Variants in TRNAU1AP observed in about 807,000 individuals in gnomAD.
TRNAU1AP encodes the protein tRNA selenocysteine 1 associated protein 1.
TRNAU1AP carries 33 observed loss-of-function variants against 43.3 expected under a neutral mutation model. The ratio of observed to expected loss-of-function variants is 0.76; its 90% CI spans 0.58 to 1.02. The LOEUF (loss-of-function observed/expected upper bound fraction) is 1.02, where lower values mean the gene tolerates loss of function less well. Ranked by LOEUF, TRNAU1AP falls within the 50% of genes least tolerant of loss-of-function variation. The probability of loss-of-function intolerance (pLI) is 0.00; values close to 1 mark genes in which losing one functional copy is unlikely to be tolerated. For synonymous variants in TRNAU1AP, 143 were observed against 129.1 expected (o/e 1.11, Z -0.73); for missense variants, 290 against 362.7 (o/e 0.80, Z 1.63).
chr1:28,555,133 G>A (rs1477496307), intron 2 of TRNAU1AP, among the ~76,000 whole-genome samples: 1 of 151,854 alleles, frequency 6.6e-6, no homozygotes, highest in Admixed American at 6.6e-5. Context: ...GGGAGGCTGA[G>A]GCAGGAGAAT....
intron 8 of TRNAU1AP, among the ~76,000 whole-genome samples, chr1:28,575,789 C>T (rs1342648921): frequency 2.0e-5 from 3 of 149,892 alleles, no homozygotes; most frequent in African/African-American, 7.4e-5. Context: ...AACTTCTGAC[C>T]TCAGGTGGTC....
intron 8 of TRNAU1AP, among the ~76,000 whole-genome samples, chr1:28,576,380 G>A (rs547038131): frequency 4.0e-5 from 6 of 149,092 alleles, no homozygotes; most frequent in Middle Eastern, 3.5e-3. Flanking sequence ...GTGCAATGGC[G>A]TGATCTCGGC....
Position 28,561,130 on chromosome 1 carries a change from G to A in TRNAU1AP, c.226-216G>A. The A allele has an allele frequency of 2.8e-6, 4 of 1,408,004 alleles. No individual in the cohort carries two copies. The South Asian group carries it at 4.6e-5, about 16-fold the overall frequency. The allele number at this position is 1,408,004 out of a possible 1,614,324, so 87.2% of individuals were successfully genotyped here. ...TCCCACAGTTACTTAGCTTACAGCT[G>A]CACCAGCTGGCACACCTGGGCTCAT... is the stretch of plus-strand genomic sequence containing the variant. On this transcript the variant is annotated intron_variant, in intron 3 of 8. Coordinates refer to ENST00000373830, the MANE Select transcript of TRNAU1AP (RefSeq NM_017846.5).
intron 5 of TRNAU1AP, 117 bp from the exon 6 acceptor site, chr1:28,567,177 C>A: frequency 9.0e-7 from 1 of 1,106,306 alleles, no homozygotes; most frequent in East Asian, 2.5e-5. Context: ...TTTCTCTTCT[C>A]AGCCTCTTTT....
intron 6 of TRNAU1AP, among the ~76,000 whole-genome samples, chr1:28,570,532 G>T (rs1177427013): frequency 2.0e-5 from 3 of 151,356 alleles, no homozygotes; most frequent in Non-Finnish European, 4.4e-5. Context: ...ACAGGTGTGA[G>T]CCACCGCACC....
chr1:28,572,011 T>C, intron 8 of TRNAU1AP, 111 bp downstream of exon 8: 1 of 977,644 alleles, frequency 1.0e-6, no homozygotes, highest in Non-Finnish European at 1.6e-6. Flanking sequence ...CTGGAAGAAC[T>C]TACATTCTGG....
At chr1:28,574,065 G>A (rs1665721033) in intron 8 of TRNAU1AP, among the ~76,000 whole-genome samples, 1 of 149,742 alleles carries the variant, frequency 6.7e-6, no homozygotes, top group Admixed American at 6.7e-5. Context: ...GCAACATAAC[G>A]AGACCCCATC....
intron 2 of TRNAU1AP, among the ~76,000 whole-genome samples, chr1:28,555,262 C>G (rs1204567407): frequency 6.6e-6 from 1 of 151,704 alleles, no homozygotes; most frequent in Non-Finnish European, 1.5e-5. Flanking sequence ...TGTGGAGATA[C>G]TACTGTGTTC....
At chr1:28,558,308 G>A (rs1043437115) in intron 2 of TRNAU1AP, among the ~76,000 whole-genome samples, 13 of 141,276 alleles carry the variant, frequency 9.2e-5, no homozygotes, top group Admixed American at 5.1e-4. Context: ...CTCTCCCTCC[G>A]GGTTCAAGCA....
intron 2 of TRNAU1AP, among the ~76,000 whole-genome samples, chr1:28,555,055 T>C (rs1665228358): frequency 6.6e-6 from 1 of 151,572 alleles, no homozygotes; most frequent in Non-Finnish European, 1.5e-5. Context: ...CTGACCAACA[T>C]GGAGAAACCC....
intron 8 of TRNAU1AP, among the ~76,000 whole-genome samples, chr1:28,576,161 T>TG (rs1665775174): frequency 6.7e-6 from 1 of 149,510 alleles, no homozygotes; most frequent in Non-Finnish European, 1.5e-5. Context: ...GCCCAGTTTT[T>TG]TTTTTTTTTT....
At chr1:28,575,301 C>G (rs547787945) in intron 8 of TRNAU1AP, among the ~76,000 whole-genome samples, 4 of 151,718 alleles carry the variant, frequency 2.6e-5, no homozygotes, top group Non-Finnish European at 5.9e-5. Context: ...ACTACAGATG[C>G]GCGCCACCAC....
chr1:28,565,081 T>C, intron 5 of TRNAU1AP: 1 of 505,864 alleles, frequency 2.0e-6, no homozygotes, highest in South Asian at 2.4e-5. Flanking sequence ...GCTTGTAGGG[T>C]TGATGTAAGG....
intron 4 of TRNAU1AP, among the ~76,000 whole-genome samples, chr1:28,562,897 C>CT (rs780392283): frequency 0.39 from 45,825 of 118,528 alleles, 10,166 homozygotes; most frequent in African/African-American, 0.6. Context: ...TTTGTGTATT[C>CT]TTTTTTTTTT....
intron 8 of TRNAU1AP, among the ~76,000 whole-genome samples, chr1:28,576,736 A>G (rs904014023): frequency 1.3e-5 from 2 of 152,100 alleles, no homozygotes; most frequent in African/African-American, 4.8e-5. Context: ...AGTAGTTGGG[A>G]TTATAGGCAT....
At chr1:28,560,791 C>T (rs1570248824) in intron 3 of TRNAU1AP, 59 bp downstream of exon 3, 1 of 1,336,726 alleles carries the variant, frequency 7.5e-7, no homozygotes, top group East Asian at 2.3e-5. Context: ...TTACTACCAT[C>T]TATTGAATCC....
At chr1:28,559,081 T>C (rs1665346319) in intron 2 of TRNAU1AP, among the ~76,000 whole-genome samples, 2 of 151,782 alleles carry the variant, frequency 1.3e-5, no homozygotes, top group Non-Finnish European at 2.9e-5. Flanking sequence ...ATTTATTTTT[T>C]ATTTTTTTGA....
Position 28,562,816 on chromosome 1 carries a change from C to T in TRNAU1AP, c.278+1418C>T, listed in dbSNP as rs578218988. On this transcript the variant is annotated intron_variant, in intron 4 of 8. Coordinates refer to ENST00000373830, the MANE Select transcript of TRNAU1AP (RefSeq NM_017846.5). Reference sequence around the variant, plus strand: ...CAGGATGGTCTCGATCTCCTGACCTCGTGATCTGCCCACCTCAGCCTCCCG... The same window carrying T: ...CAGGATGGTCTCGATCTCCTGACCTTGTGATCTGCCCACCTCAGCCTCCCG... 6.6e-5 allele frequency among the ~76,000 whole-genome samples: 10 copies of T among 151,636 alleles called. No individual in the cohort carries two copies. The East Asian group carries it at 1.6e-3, about 24-fold the overall frequency.
At chr1:28,571,564 C>A (rs549041930) in intron 7 of TRNAU1AP, among the ~76,000 whole-genome samples, 2 of 152,052 alleles carry the variant, frequency 1.3e-5, no homozygotes, top group South Asian at 4.2e-4. Context: ...GGTAGATCAC[C>A]TGAGGTCAGG....
Sources: gnomAD v4.1 joint callset for allele counts (sites outside exome capture counted in the v4.1 genomes callset) on GRCh38, gnomAD v4.1.1 for gene constraint, MANE v1.5 for transcripts, NCBI Gene and HGNC (gene_info 2026-07-23, HGNC 2026-07-21) for gene names.